WWOX: variants seen among roughly 807,000 people sequenced by gnomAD.
WWOX encodes WW domain-containing oxidoreductase.
Under a neutral mutation model 46.2 loss-of-function variants are expected in WWOX, and 69 were observed. The observed-to-expected ratio is 1.49, with a 90% CI of 1.23 to 1.82. The LOEUF (loss-of-function observed/expected upper bound fraction) is 1.82. WWOX is among the 40% of genes most tolerant of loss of function. WWOX has a pLI of 0.00. For synonymous variants in WWOX, 359 were observed against 202.6 expected (o/e 1.77, Z -6.56); for missense variants, 919 against 542.6 (o/e 1.69, Z -6.89).
chr16:78,153,665 A>G (rs1385298327), intron 4 of WWOX, among the ~76,000 whole-genome samples: 2 of 152,152 alleles, frequency 1.3e-5, no homozygotes, highest in African/African-American at 2.4e-5. Flanking sequence ...GCCCAGTTAC[A>G]AGTAACATTT....
intron 8 of WWOX, among the ~76,000 whole-genome samples, chr16:78,643,485 G>T (rs1359916603): frequency 6.6e-6 from 1 of 152,078 alleles, no homozygotes; most frequent in Non-Finnish European, 1.5e-5. Context: ...TAGCAATTAG[G>T]CGACTTCTAA....
chr16:78,911,423 C>G (rs2045108169), intron 8 of WWOX, among the ~76,000 whole-genome samples: 2 of 151,906 alleles, frequency 1.3e-5, no homozygotes, highest in Non-Finnish European at 2.9e-5. Context: ...TTGACCAGAT[C>G]CTGACTTTTG....
At chr16:78,537,257 C>G (rs1196904155) in intron 8 of WWOX, among the ~76,000 whole-genome samples, 1 of 152,112 alleles carries the variant, frequency 6.6e-6, no homozygotes, top group African/African-American at 2.4e-5. Flanking sequence ...CTGCCTGCCT[C>G]CCTGTCTCCC....
intron 8 of WWOX, among the ~76,000 whole-genome samples, chr16:78,966,280 A>G (rs908421293): frequency 6.6e-6 from 1 of 152,180 alleles, no homozygotes; most frequent in Middle Eastern, 3.2e-3. Context: ...CTCAGAAACA[A>G]ATCATTTCCT....
In WWOX at chr16:79,211,685, C is replaced by G. The variant is rs201088847; in HGVS notation, c.1134C>G (p.Asn378Lys). ...LEGLGGMYFN[N>K]CCRCMPSPEA... ...GTCTGGGAGGGATGTACTTCAACAACTGCTGCCGCTGCATGCCCTCACCAG... is the reference window on the plus strand; with the variant it reads ...GTCTGGGAGGGATGTACTTCAACAAGTGCTGCCGCTGCATGCCCTCACCAG... The change falls in exon 9 of 9, where the codon AAC (asparagine) becomes AAG (lysine). Residue 378 changes from asparagine (N) to lysine (K), a missense_variant. Transcript: ENST00000566780. 1.2e-6 allele frequency: 2 copies of G among 1,614,244 alleles called. No individual in the cohort carries two copies. Among genetic ancestry groups the G allele is most frequent in the South Asian group, 1.1e-5 (1 of 91,090 alleles).
chr16:78,650,764 C>G (rs79605420), intron 8 of WWOX, among the ~76,000 whole-genome samples: 1 of 152,162 alleles, frequency 6.6e-6, no homozygotes, highest in Admixed American at 6.5e-5. Flanking sequence ...GGTTTCCATG[C>G]CATGTCTCCC....
intron 8 of WWOX, among the ~76,000 whole-genome samples, chr16:78,876,919 C>G (rs1440525630): frequency 6.6e-6 from 1 of 152,156 alleles, no homozygotes; most frequent in East Asian, 1.9e-4. Flanking sequence ...AATCTTGTAA[C>G]TCTACTTAAA....
intron 6 of WWOX, among the ~76,000 whole-genome samples, chr16:78,393,652 A>G (rs536868368): frequency 3.3e-4 from 51 of 152,310 alleles, no homozygotes; most frequent in African/African-American, 1.2e-3. Flanking sequence ...ATACTGACCA[A>G]GGGTTTTGAT....
At chr16:78,821,694 G>A (rs2051499020) in intron 8 of WWOX, among the ~76,000 whole-genome samples, 1 of 152,174 alleles carries the variant, frequency 6.6e-6, no homozygotes, top group Non-Finnish European at 1.5e-5. Flanking sequence ...GAGGCTCAGG[G>A]AACTCAGTTG....
In WWOX at chr16:78,459,820, G is replaced by C. The variant is rs530101125; in HGVS notation, c.1056+27068G>C. On this transcript the variant is annotated intron_variant, in intron 8 of 8. Transcript: ENST00000566780. Reference sequence around the variant, plus strand: ...ATTTTATTTTATTTTAATTCTTTTTGAGACAGGGTCTTAGTCTGTCACCCA... The same window carrying C: ...ATTTTATTTTATTTTAATTCTTTTTCAGACAGGGTCTTAGTCTGTCACCCA... Among the ~76,000 whole-genome samples, 114 of 147,662 alleles carry C rather than the reference G, an allele frequency of 7.7e-4. 1 individual carries two copies. The highest frequency in any genetic ancestry group is 2.1e-3 in the South Asian group (10 of 4,762).
intron 8 of WWOX, among the ~76,000 whole-genome samples, chr16:78,438,840 C>T (rs763241662): frequency 3.0e-4 from 46 of 152,076 alleles, no homozygotes; most frequent in Non-Finnish European, 5.3e-4. Flanking sequence ...CAATGCTGGT[C>T]CTGTTGCAAA....
chr16:78,931,998 C>T (rs1246991898), intron 8 of WWOX, among the ~76,000 whole-genome samples: 2 of 152,226 alleles, frequency 1.3e-5, no homozygotes, highest in Admixed American at 6.5e-5. Context: ...CCATTTAAGA[C>T]ATGTGTTTGC....
chr16:79,189,542 C>G (rs1047168890), intron 8 of WWOX, among the ~76,000 whole-genome samples: 1 of 151,642 alleles, frequency 6.6e-6, no homozygotes, highest in Admixed American at 6.6e-5. Flanking sequence ...TTCAAGCGAT[C>G]CTCCTACCTT....
chr16:78,174,877 A>G lies in WWOX; in HGVS notation c.516+10588A>G, dbSNP rs145642611. Among the ~76,000 whole-genome samples the G allele has an allele frequency of 4.5e-3, 687 of 152,214 alleles. 6 individuals carry two copies. The highest frequency in any genetic ancestry group is 0.016 in the African/African-American group (668 of 41,548). On this transcript the variant is annotated intron_variant, in intron 5 of 8. Coordinates refer to ENST00000566780, the MANE Select transcript of WWOX (RefSeq NM_016373.4). The stretch of plus-strand genomic sequence containing the variant: ...GCGGCATGCGCCTTTAGTCCCAGCT[A>G]CTGGGGAGGCTGAGGCAGGAGAATT...
At chr16:78,703,863 A>G (rs893500950) in intron 8 of WWOX, among the ~76,000 whole-genome samples, 1 of 152,144 alleles carries the variant, frequency 6.6e-6, no homozygotes, top group African/African-American at 2.4e-5. Flanking sequence ...ATTTTTCTGA[A>G]CTATGACTCT....
At chr16:78,777,467 C>T (rs995879932) in intron 8 of WWOX, among the ~76,000 whole-genome samples, 37 of 152,094 alleles carry the variant, frequency 2.4e-4, no homozygotes, top group African/African-American at 8.5e-4. Context: ...TTGGAAAGCA[C>T]AGAGTAGACA....
At chr16:78,593,628 G>T (rs889985192) in intron 8 of WWOX, among the ~76,000 whole-genome samples, 1 of 152,058 alleles carries the variant, frequency 6.6e-6, no homozygotes, top group Non-Finnish European at 1.5e-5. Context: ...GACAGGGGGA[G>T]GTATTTGCAT....
At chr16:78,831,903 A>T (rs552358109) in intron 8 of WWOX, among the ~76,000 whole-genome samples, 1 of 152,252 alleles carries the variant, frequency 6.6e-6, no homozygotes, top group Non-Finnish European at 1.5e-5. Context: ...ATCTCGTCGT[A>T]ATTTTCTCAA....
chr16:79,160,279 A>T (rs1017283296), intron 8 of WWOX, among the ~76,000 whole-genome samples: 4 of 152,154 alleles, frequency 2.6e-5, no homozygotes, highest in African/African-American at 9.7e-5. Flanking sequence ...AGCAAGGCAG[A>T]CTATTTCGTG....
Sources: gnomAD v4.1 joint callset for allele counts (sites outside exome capture counted in the v4.1 genomes callset) on GRCh38, gnomAD v4.1.1 for gene constraint, MANE v1.5 for transcripts, NCBI Gene and HGNC (gene_info 2026-07-23, HGNC 2026-07-21) for gene names.